Variants in PRLR observed in about 807,000 individuals in gnomAD.
PRLR encodes hPRL receptor.
Under a neutral mutation model 40.2 loss-of-function variants are expected in PRLR, and 13 were observed. The ratio of observed to expected loss-of-function variants is 0.32; its 90% CI spans 0.21 to 0.51. The LOEUF is 0.51. Ranked by LOEUF, PRLR falls within the 20% of genes least tolerant of loss-of-function variation. PRLR has a pLI of 0.97. For missense variants in PRLR, 656 were observed against 747.3 expected (o/e 0.88, Z 1.42); for synonymous variants, 269 against 278.7 (o/e 0.97, Z 0.35).
In PRLR at chr5:35,117,388, A is replaced by G. The variant is rs182298496; in HGVS notation, c.-44+673T>C. 1.3e-3 allele frequency among the ~76,000 whole-genome samples: 199 copies of G among 152,302 alleles called. 1 individual carries two copies. The highest frequency in any genetic ancestry group is 4.6e-3 in the African/African-American group (191 of 41,586). On this transcript the variant is annotated intron_variant, in intron 2 of 9. Coordinates refer to ENST00000618457, the MANE Select transcript of PRLR (RefSeq NM_000949.7). ...CCTCTGAATGAGAGAGTACAGCCTC[A>G]AAGTCGTACATGTCGAGCTCATCTC...
At chr5:35,195,014 G>A (rs112194589) in intron 1 of PRLR, 47 of 152,256 alleles carry the variant, frequency 3.1e-4, no homozygotes, top group Non-Finnish European at 4.6e-4. Flanking sequence ...CGGGTATGTG[G>A]GAACTGTCTG....
intron 1 of PRLR, among the ~76,000 whole-genome samples, chr5:35,181,376 T>A (rs903349711): frequency 6.6e-6 from 1 of 152,158 alleles, no homozygotes; most frequent in Non-Finnish European, 1.5e-5. Flanking sequence ...GAGAGAAGAA[T>A]GATTTGGAAC....
intron 1 of PRLR, among the ~76,000 whole-genome samples, chr5:35,221,559 A>T (rs982711734): frequency 6.6e-6 from 1 of 152,246 alleles, no homozygotes; most frequent in African/African-American, 2.4e-5. Context: ...AAGAAATACA[A>T]ATAAGTAATT....
At chr5:35,223,515 C>G (rs995836293) in intron 1 of PRLR, among the ~76,000 whole-genome samples, 6 of 152,290 alleles carry the variant, frequency 3.9e-5, no homozygotes, top group South Asian at 4.1e-4. Context: ...CACGCACCCC[C>G]GAACCCATGT....
rs796335773 is a variant in PRLR at position 35,102,497 on chromosome 5, ACTCCTCTCCTCTCCT to A, written c.-43-12849_-43-12835del. On this transcript the variant is annotated intron_variant, in intron 2 of 9. Coordinates refer to ENST00000618457, the MANE Select transcript of PRLR (RefSeq NM_000949.7). ...TCCCGTCCCGTCCCGTCTCCTCTCC[ACTCCTCTCCTCTCCT>A]CTCCTCTCCTCTCCTCTCCTCTCCT... Among the ~76,000 whole-genome samples the A allele has an allele frequency of 5.5e-4, 38 of 68,840 alleles. No homozygotes were observed. In the East Asian group the frequency reaches 6.4e-3, roughly 12 times the overall value. The allele number at this position is 68,840 out of a possible 152,430, so 45.2% of individuals were successfully genotyped here. A position where few individuals can be genotyped will look rare whatever the true frequency, so the allele number is the denominator to read the frequency against.
At chr5:35,095,367 A>G (rs940811111) in intron 2 of PRLR, among the ~76,000 whole-genome samples, 2 of 152,256 alleles carry the variant, frequency 1.3e-5, no homozygotes, top group Admixed American at 1.3e-4. Flanking sequence ...AACTCTGCAT[A>G]TAGGAAGACT....
intron 1 of PRLR, among the ~76,000 whole-genome samples, chr5:35,194,812 T>A (rs1255853730): frequency 3.9e-5 from 6 of 152,188 alleles, no homozygotes; most frequent in African/African-American, 4.8e-5. Context: ...CTATTCTGTA[T>A]GATACTGTAA....
At chr5:35,110,734 A>G (rs745739858) in intron 2 of PRLR, among the ~76,000 whole-genome samples, 3 of 152,142 alleles carry the variant, frequency 2.0e-5, no homozygotes, top group Non-Finnish European at 4.4e-5. Context: ...TTTTCCCACA[A>G]AAATTGCTGT....
chr5:35,115,381 T>C (rs1210719900), intron 2 of PRLR, among the ~76,000 whole-genome samples: 1 of 152,218 alleles, frequency 6.6e-6, no homozygotes, highest in African/African-American at 2.4e-5. Flanking sequence ...CTTAGGTACA[T>C]GTGTAGGTTT....
intron 1 of PRLR, among the ~76,000 whole-genome samples, chr5:35,137,052 G>A (rs1773880970): frequency 6.6e-6 from 1 of 152,068 alleles, no homozygotes; most frequent in African/African-American, 2.4e-5. Flanking sequence ...CTTCAATAAT[G>A]TCTGGTACTC....
intron 1 of PRLR, among the ~76,000 whole-genome samples, chr5:35,189,101 G>T (rs1346199135): frequency 6.6e-6 from 1 of 152,136 alleles, no homozygotes; most frequent in Non-Finnish European, 1.5e-5. Context: ...GCATGCAGGG[G>T]CAGCACCACA....
chr5:35,075,749 T>C lies in PRLR; in HGVS notation c.374-3005A>G, dbSNP rs1287318185. On this transcript the variant is annotated intron_variant, in intron 5 of 9. Coordinates refer to ENST00000618457, the MANE Select transcript of PRLR (RefSeq NM_000949.7). ...CGGACAGACTGCCTCCTCAAGTGGG[T>C]CCCTGACCCCCGAGTAGCCTAACTA... is the stretch of plus-strand genomic sequence containing the variant. Among the ~76,000 whole-genome samples the C allele has an allele frequency of 1.3e-5, 2 of 152,152 alleles. 1 individual carries two copies. The highest frequency in any genetic ancestry group is 3.9e-4 in the East Asian group (2 of 5,186).
chr5:35,161,140 A>G (rs963219868), intron 1 of PRLR, among the ~76,000 whole-genome samples: 6 of 152,200 alleles, frequency 3.9e-5, no homozygotes, highest in African/African-American at 1.4e-4. Context: ...TTTCAAGACT[A>G]TTGATTATAT....
At chr5:35,172,312 A>G (rs1775021735) in intron 1 of PRLR, among the ~76,000 whole-genome samples, 1 of 152,084 alleles carries the variant, frequency 6.6e-6, no homozygotes, top group East Asian at 1.9e-4. Flanking sequence ...GACTGCATCT[A>G]GGGGCTCTCT....
chr5:35,078,717 C>G (rs1457010925), intron 5 of PRLR, among the ~76,000 whole-genome samples: 1 of 152,202 alleles, frequency 6.6e-6, no homozygotes, highest in Non-Finnish European at 1.5e-5. Flanking sequence ...GTGAGGCCAG[C>G]ATCATCCTGA....
Position 35,137,319 on chromosome 5 carries a change from C to CG in PRLR, c.-105-19198_-105-19197insC, listed in dbSNP as rs532733557. Among the ~76,000 whole-genome samples the CG allele has an allele frequency of 8.0e-4, 122 of 151,980 alleles. 1 individual carries two copies. Among genetic ancestry groups the CG allele is most frequent in the African/African-American group, 2.9e-3 (119 of 41,386 alleles). ...TCTGAACTTTCTCCACTTTTTAAGA[C>CG]TTTTTTTTAAGCAGCATAACTTTCA... On this transcript the variant is annotated intron_variant, in intron 1 of 9. Transcript: ENST00000618457.
intron 3 of PRLR, among the ~76,000 whole-genome samples, chr5:35,087,851 G>A (rs6877061): frequency 0.022 from 3,326 of 152,232 alleles, 118 homozygotes; most frequent in African/African-American, 0.077. Context: ...CACCATGCTC[G>A]CCTACATGAC....
intron 5 of PRLR, among the ~76,000 whole-genome samples, chr5:35,073,647 C>T (rs1270891631): frequency 6.6e-6 from 1 of 152,190 alleles, no homozygotes; most frequent in Non-Finnish European, 1.5e-5. Context: ...GAAGTGGTCT[C>T]TACTATTTCA....
intron 1 of PRLR, among the ~76,000 whole-genome samples, chr5:35,199,540 T>C (rs533376819): frequency 2.6e-5 from 4 of 151,318 alleles, no homozygotes; most frequent in African/African-American, 9.7e-5. Flanking sequence ...AGAAATTCTT[T>C]AAAAGTTTTT....
Sources: allele counts gnomAD v4.1 joint callset (sites outside exome capture counted in the v4.1 genomes callset), GRCh38; gene constraint gnomAD v4.1.1; transcripts MANE v1.5; gene names NCBI Gene and HGNC (gene_info 2026-07-23, HGNC 2026-07-21).